The following ADAMTS3 variants were observed in gnomAD, a reference collection of about 807,000 sequenced individuals.
The protein encoded by ADAMTS3 is ADAM metallopeptidase with thrombospondin type 1 motif 3.
A neutral mutation model predicts 129.0 loss-of-function variants in ADAMTS3; 73 were observed. The observed-to-expected ratio is 0.57, with a 90% confidence interval of 0.47 to 0.69. The LOEUF is 0.69. Ranked by LOEUF, ADAMTS3 falls within the 30% of genes least tolerant of loss-of-function variation. The pLI, the probability that ADAMTS3 is intolerant of heterozygous loss-of-function variation, is 0.00. For missense variants in ADAMTS3, 1,457 were observed against 1,514.5 expected (o/e 0.96, Z 0.63); for synonymous variants, 477 against 510.8 (o/e 0.93, Z 0.89).
chr4:72,396,790 C>T (rs556012852), intron 4 of ADAMTS3, among the ~76,000 whole-genome samples: 98 of 152,234 alleles, frequency 6.4e-4, no homozygotes, highest in African/African-American at 2.3e-3. Flanking sequence ...AAACAAAGAA[C>T]CCTTATTTTT....
At chr4:72,424,494 C>A (rs543409995) in intron 3 of ADAMTS3, among the ~76,000 whole-genome samples, 3 of 152,082 alleles carry the variant, frequency 2.0e-5, no homozygotes, top group African/African-American at 7.2e-5. Context: ...CCAAATCCTG[C>A]TTCCATTAAG....
intron 3 of ADAMTS3, among the ~76,000 whole-genome samples, chr4:72,542,252 T>C (rs1578780066): frequency 2.0e-5 from 3 of 152,222 alleles, no homozygotes; most frequent in African/African-American, 7.2e-5. Flanking sequence ...GCAAGCTCCA[T>C]CTCCCAGGTT....
At chr4:72,551,977 A>C (rs763918020) in intron 2 of ADAMTS3, among the ~76,000 whole-genome samples, 11 of 152,214 alleles carry the variant, frequency 7.2e-5, no homozygotes, top group Non-Finnish European at 1.6e-4. Context: ...AAATTTCTGT[A>C]AAAGGCTCTT....
chr4:72,479,209 G>A (rs1250857749), intron 3 of ADAMTS3, among the ~76,000 whole-genome samples: 1 of 151,966 alleles, frequency 6.6e-6, no homozygotes, highest in Non-Finnish European at 1.5e-5. Flanking sequence ...AGTTCATAGG[G>A]AACCAAAAAA....
At chr4:72,479,086 A>C (rs1719342452) in intron 3 of ADAMTS3, among the ~76,000 whole-genome samples, 1 of 152,218 alleles carries the variant, frequency 6.6e-6, no homozygotes, top group Admixed American at 6.5e-5. Flanking sequence ...CATGGCTAGG[A>C]AGAATCAATA....
At chr4:72,463,893 T>G (rs1305365789) in intron 3 of ADAMTS3, among the ~76,000 whole-genome samples, 1 of 151,794 alleles carries the variant, frequency 6.6e-6, no homozygotes, top group Non-Finnish European at 1.5e-5. Flanking sequence ...TTCATCAATT[T>G]AACATCCTAG....
chr4:72,463,698 C>CAAA (rs3034505), intron 3 of ADAMTS3, among the ~76,000 whole-genome samples: 1 of 123,356 alleles, frequency 8.1e-6, no homozygotes, highest in African/African-American at 3.0e-5. Flanking sequence ...CTAAAACAGG[C>CAAA]AAAAAAAAAA....
chr4:72,479,014 C>T (rs1719339568), intron 3 of ADAMTS3, among the ~76,000 whole-genome samples: 2 of 151,462 alleles, frequency 1.3e-5, no homozygotes, highest in East Asian at 3.9e-4. Context: ...TCAAGGAGAA[C>T]TACAAACCAC....
intron 3 of ADAMTS3, among the ~76,000 whole-genome samples, chr4:72,477,872 C>A (rs934375920): frequency 6.6e-6 from 1 of 152,020 alleles, no homozygotes; most frequent in African/African-American, 2.4e-5. Flanking sequence ...CACCACCGAT[C>A]CCACCGAAAT....
intron 3 of ADAMTS3, among the ~76,000 whole-genome samples, chr4:72,457,119 T>C (rs1176875234): frequency 6.6e-6 from 1 of 151,760 alleles, no homozygotes. Context: ...GCTACATTTA[T>C]AATAGAAATT....
Position 72,282,196 on chromosome 4 carries a change from A to G in ADAMTS3, c.*940T>C, listed in dbSNP as rs747904854. ...GTATAACTGTTTGTATCTGTCAACAATGCGAAAATTAAAAAAGAACACACA... is the reference window on the plus strand; with the variant it reads ...GTATAACTGTTTGTATCTGTCAACAGTGCGAAAATTAAAAAAGAACACACA... On this transcript the variant is annotated 3_prime_UTR_variant, in exon 22 of 22. Coordinates refer to ENST00000286657, the MANE Select transcript of ADAMTS3 (RefSeq NM_014243.3). The G allele has an allele frequency of 2.0e-5, 3 of 152,176 alleles. No homozygotes were observed. Among genetic ancestry groups the G allele is most frequent in the Admixed American group, 2.0e-4 (3 of 15,270 alleles). The allele number at this position is 152,176 out of a possible 1,614,324, so 9.4% of individuals were successfully genotyped here. A position where few individuals can be genotyped will look rare whatever the true frequency, so the allele number is the denominator to read the frequency against.
Position 72,558,446 on chromosome 4 carries a change from C to T in ADAMTS3, c.97+8928G>A, listed in dbSNP as rs187075108. ...ACCACCTCTCTGGTTCTCTCTCTTTCACCTCCCTCTTCCATTTATAAAGAC... is the reference window on the plus strand; with the variant it reads ...ACCACCTCTCTGGTTCTCTCTCTTTTACCTCCCTCTTCCATTTATAAAGAC... On this transcript the variant is annotated intron_variant, in intron 2 of 21. Coordinates refer to ENST00000286657, the MANE Select transcript of ADAMTS3 (RefSeq NM_014243.3). Among the ~76,000 whole-genome samples the T allele has an allele frequency of 2.7e-3, 411 of 151,824 alleles. 14 individuals carry two copies. The highest frequency in any genetic ancestry group is 9.2e-3 in the African/African-American group (379 of 41,136).
At chr4:72,290,818 CACTTT>C (rs1259689888) in intron 20 of ADAMTS3, 32 bp downstream of exon 20, 2 of 1,592,880 alleles carry the variant, frequency 1.3e-6, no homozygotes, top group Admixed American at 1.7e-5. Flanking sequence ...CTTACACACA[CACTTT>C]ACTTATGCAT....
chr4:72,405,969 T>C (rs989378904), intron 4 of ADAMTS3, among the ~76,000 whole-genome samples: 5 of 152,114 alleles, frequency 3.3e-5, no homozygotes, highest in Admixed American at 6.6e-5. Context: ...AAGAACACTT[T>C]ATGGGCGGCT....
chr4:72,421,437 T>C (rs1722442314), intron 3 of ADAMTS3, among the ~76,000 whole-genome samples: 1 of 152,006 alleles, frequency 6.6e-6, no homozygotes, highest in Admixed American at 6.6e-5. Flanking sequence ...TGAGGGAGCA[T>C]GGGAGAAGAA....
At chr4:72,500,282 T>C (rs1399737456) in intron 3 of ADAMTS3, among the ~76,000 whole-genome samples, 2 of 152,186 alleles carry the variant, frequency 1.3e-5, no homozygotes, top group Non-Finnish European at 2.9e-5. Flanking sequence ...TGACAGCATC[T>C]GTTATTTTTT....
intron 5 of ADAMTS3, among the ~76,000 whole-genome samples, chr4:72,335,684 G>C (rs1050791082): frequency 8.6e-5 from 13 of 151,942 alleles, no homozygotes; most frequent in Non-Finnish European, 1.5e-4. Context: ...CATTTTCAAA[G>C]TCTCTGTTTC....
intron 3 of ADAMTS3, among the ~76,000 whole-genome samples, chr4:72,428,171 G>A (rs567071554): frequency 4.6e-5 from 7 of 152,092 alleles, no homozygotes; most frequent in African/African-American, 1.7e-4. Context: ...GTTTGAAGAT[G>A]AGTTGAAGTA....
intron 3 of ADAMTS3, among the ~76,000 whole-genome samples, chr4:72,517,312 C>T (rs1196304914): frequency 6.6e-6 from 1 of 152,122 alleles, no homozygotes; most frequent in Non-Finnish European, 1.5e-5. Flanking sequence ...TTGGTTGTGT[C>T]TCTGCCAGGC....
Sources: allele counts gnomAD v4.1 joint callset (sites outside exome capture counted in the v4.1 genomes callset), GRCh38; gene constraint gnomAD v4.1.1; transcripts MANE v1.5; gene names NCBI Gene and HGNC (gene_info 2026-07-23, HGNC 2026-07-21).